The following GLI3 variants were observed in gnomAD, a reference collection of about 807,000 sequenced individuals.
GLI3 encodes the protein GLI family zinc finger 3.
Under a neutral mutation model 100.8 loss-of-function variants are expected in GLI3, and 20 were observed. The ratio of observed to expected loss-of-function variants is 0.20; its 90% CI spans 0.14 to 0.29. GLI3 has a LOEUF of 0.29. Among genes scored for constraint, GLI3 ranks in the 10% least tolerant of loss-of-function variants. The pLI, the probability that GLI3 is intolerant of heterozygous loss-of-function variation, is 1.00. For missense variants in GLI3, 2,040 were observed against 2,128.5 expected (o/e 0.96, Z 0.82); for synonymous variants, 938 against 860.5 (o/e 1.09, Z -1.58).
intron 2 of GLI3, among the ~76,000 whole-genome samples, chr7:42,159,685 A>T (rs1248053104): frequency 2.0e-5 from 3 of 152,216 alleles, no homozygotes; most frequent in Non-Finnish European, 4.4e-5. Flanking sequence ...CAATAAAAAT[A>T]CAGCAGTGCT....
rs758273867 is a variant in GLI3 at position 41,966,469 on chromosome 7, C to T, written c.2604G>A (p.Ser868=). The T allele has an allele frequency of 1.2e-6, 2 of 1,612,896 alleles. No individual in the cohort carries two copies. Among genetic ancestry groups the T allele is most frequent in the Admixed American group, 1.7e-5 (1 of 59,984 alleles). The change falls in exon 15 of 15, where the codon TCG becomes TCA. Residue 868 remains serine (S), a synonymous_variant. Coordinates refer to ENST00000395925, the MANE Select transcript of GLI3 (RefSeq NM_000168.6). The surrounding 1 kb of genome is among the most constrained non-coding windows in gnomAD (Gnocchi z 5.8). The part of the protein sequence containing the change: ...YLSSRRSSGI[S]PCFSSRRSSE... ...TGGAGCGGCGGCTGGAGAAGCAGGG[C>T]GAGATCCCTGAGGAGCGGCGGCTGC...
chr7:41,977,823 C>CA, intron 11 of GLI3, 101 bp from the exon 12 acceptor site: 1 of 1,091,190 alleles, frequency 9.2e-7, no homozygotes, highest in South Asian at 1.3e-5. Flanking sequence ...TTTCAAGGGT[C>CA]AGCAGCTTTT....
upstream of GLI3, among the ~76,000 whole-genome samples, chr7:42,238,256 G>T (rs1161568679): frequency 6.6e-6 from 1 of 151,944 alleles, no homozygotes; most frequent in Non-Finnish European, 1.5e-5. Context: ...GCTGCGTCCT[G>T]TCTGCTCCCA....
chr7:41,976,835 A>T (rs1787526219), intron 12 of GLI3, among the ~76,000 whole-genome samples: 1 of 152,226 alleles, frequency 6.6e-6, no homozygotes, highest in African/African-American at 2.4e-5. Flanking sequence ...AGTCTGTAGG[A>T]AGATGTTCAC....
intron 13 of GLI3, among the ~76,000 whole-genome samples, chr7:41,968,605 C>G (rs967216151): frequency 5.3e-5 from 8 of 151,370 alleles, no homozygotes; most frequent in African/African-American, 1.9e-4. Context: ...AGAACCTCAA[C>G]CAAGGTGTCA....
intron 2 of GLI3, among the ~76,000 whole-genome samples, chr7:42,191,429 G>A (rs1352098148): frequency 6.6e-6 from 1 of 152,082 alleles, no homozygotes. Context: ...GAGGCGGGCA[G>A]ATAACCTGAG....
intron 3 of GLI3, among the ~76,000 whole-genome samples, chr7:42,098,957 G>A (rs1481016582): frequency 6.6e-6 from 1 of 152,134 alleles, no homozygotes; most frequent in Non-Finnish European, 1.5e-5. Flanking sequence ...GATCCTAACA[G>A]TGGGGCATCC....
intron 1 of GLI3, among the ~76,000 whole-genome samples, chr7:42,231,855 G>A (rs988853976): frequency 6.6e-6 from 1 of 151,194 alleles, no homozygotes; most frequent in Non-Finnish European, 1.5e-5. Flanking sequence ...AGTTTGTAAT[G>A]TAAAGCACTC....
At chr7:42,116,207 G>T (rs1785850961) in intron 3 of GLI3, among the ~76,000 whole-genome samples, 1 of 152,106 alleles carries the variant, frequency 6.6e-6, no homozygotes, top group African/African-American at 2.4e-5. Context: ...AGTTTTATGG[G>T]ACCCGCCTTC....
In GLI3 at chr7:41,977,579, T is replaced by C. The variant is rs142953946; in HGVS notation, c.1791A>G (p.Gln597=). The C allele has an allele frequency of 2.5e-6, 4 of 1,614,104 alleles. No homozygotes were observed. Among genetic ancestry groups the C allele is most frequent in the East Asian group, 2.2e-5 (1 of 44,900 alleles). Residue 597 remains glutamine (Q), a synonymous_variant, in exon 12 of 15, where the codon CAA becomes CAG. Transcript: ENST00000395925. ...TTACCTCATTGGAATGCGTTCTGTT[T>C]TGGTGTTTGGCGCGATCAGAGGCAT... is the stretch of plus-strand genomic sequence containing the variant. ...FSNASDRAKH[Q]NRTHSNEKPY... is the part of the protein sequence containing the mutation.
chr7:42,018,730 A>G (rs886894134), intron 10 of GLI3, among the ~76,000 whole-genome samples: 3 of 152,200 alleles, frequency 2.0e-5, no homozygotes, highest in Non-Finnish European at 4.4e-5. Flanking sequence ...GCTTTTAGAG[A>G]TCAAAATTCG....
chr7:41,986,907 T>G (rs1216474619), intron 10 of GLI3, among the ~76,000 whole-genome samples: 1 of 133,706 alleles, frequency 7.5e-6, no homozygotes, highest in Non-Finnish European at 1.5e-5. Flanking sequence ...GGTGATGAAG[T>G]CTGGTACCAG....
At chr7:42,038,493 T>C (rs1303897692) in intron 7 of GLI3, among the ~76,000 whole-genome samples, 2 of 152,208 alleles carry the variant, frequency 1.3e-5, no homozygotes, top group South Asian at 2.1e-4. Context: ...TAGGTTTGTA[T>C]AGCTGGTTGG....
intron 10 of GLI3, among the ~76,000 whole-genome samples, chr7:42,018,939 G>T (rs1788851206): frequency 6.6e-6 from 1 of 152,302 alleles, no homozygotes; most frequent in East Asian, 1.9e-4. Context: ...ACATCCCCCA[G>T]TGCGATTGCC....
At chr7:42,214,078 T>A (rs552106563) in intron 2 of GLI3, among the ~76,000 whole-genome samples, 3 of 152,224 alleles carry the variant, frequency 2.0e-5, no homozygotes, top group Non-Finnish European at 1.5e-5. Flanking sequence ...ATTTTTCAAT[T>A]GCAAACTCCA....
At chr7:42,091,853 G>C (rs1445752039) in intron 3 of GLI3, among the ~76,000 whole-genome samples, 1 of 152,232 alleles carries the variant, frequency 6.6e-6, no homozygotes, top group Non-Finnish European at 1.5e-5. Flanking sequence ...GATATGCATG[G>C]CTTATTTGAA....
chr7:42,170,230 C>T (rs374585511), intron 2 of GLI3, among the ~76,000 whole-genome samples: 20 of 134,658 alleles, frequency 1.5e-4, no homozygotes, highest in Non-Finnish European at 2.3e-4. Flanking sequence ...CCAGCCTGGG[C>T]GACAAAGCAA....
intron 3 of GLI3, among the ~76,000 whole-genome samples, chr7:42,124,873 A>G (rs1401106988): frequency 2.6e-5 from 4 of 152,226 alleles, no homozygotes; most frequent in Non-Finnish European, 5.9e-5. Context: ...TAAAATAGCA[A>G]GTCTAATAAA....
At chr7:42,148,169 A>AGCC in intron 3 of GLI3, 57 bp downstream of exon 3, 1 of 1,542,088 alleles carries the variant, frequency 6.5e-7, no homozygotes, top group Non-Finnish European at 8.8e-7. Flanking sequence ...ACACACACAC[A>AGCC]CACACACAGC....
Sources: gnomAD v4.1 joint callset for allele counts (sites outside exome capture counted in the v4.1 genomes callset) on GRCh38, gnomAD v4.1.1 for gene constraint, Gnocchi (gnomAD v3.1) non-coding constraint, MANE v1.5 for transcripts, NCBI Gene and HGNC (gene_info 2026-07-23, HGNC 2026-07-21) for gene names.